The following ARB2A variants were observed in gnomAD, a reference collection of about 807,000 sequenced individuals.
ARB2A encodes the protein cotranscriptional regulator ARB2A.
At chr5:94,058,027 GA>G in the ARB2A span, among the ~76,000 whole-genome samples, 14 of 150,910 alleles carry the variant, frequency 9.3e-5, no homozygotes, top group Non-Finnish European at 1.9e-4. Context: ...ACACATAGGA[GA>G]AAAAAAAATT....
At chr5:93,941,122 A>C in the ARB2A span, among the ~76,000 whole-genome samples, 1 of 152,136 alleles carries the variant, frequency 6.6e-6, no homozygotes, top group Non-Finnish European at 1.5e-5. Flanking sequence ...TTATACTAAA[A>C]GTTTAACCCT....
At chr5:94,064,486 G>A in the ARB2A span, among the ~76,000 whole-genome samples, 3 of 152,134 alleles carry the variant, frequency 2.0e-5, no homozygotes, top group Non-Finnish European at 4.4e-5. Flanking sequence ...CCAGATACAA[G>A]AAGCACATAA....
the ARB2A span, among the ~76,000 whole-genome samples, chr5:93,746,901 A>C: frequency 2.0e-5 from 3 of 152,192 alleles, no homozygotes; most frequent in African/African-American, 7.2e-5. Context: ...GAGATAGACA[A>C]AGTTTAAAGG....
At chr5:94,072,210 G>A in the ARB2A span, among the ~76,000 whole-genome samples, 1 of 152,106 alleles carries the variant, frequency 6.6e-6, no homozygotes, top group African/African-American at 2.4e-5. Flanking sequence ...CCAGGAGACA[G>A]AGATGAAGTT....
chr5:93,849,319 A>G, the ARB2A span, among the ~76,000 whole-genome samples: 2 of 152,206 alleles, frequency 1.3e-5, no homozygotes, highest in African/African-American at 2.4e-5. Context: ...ATTATTCCTA[A>G]CATAAAAATA....
the ARB2A span, chr5:94,053,050 GATAA>G: frequency 1.4e-5 from 10 of 703,298 alleles, no homozygotes; most frequent in African/African-American, 9.4e-5. Flanking sequence ...TATGAGCACT[GATAA>G]ATAAATTTTG....
At chr5:93,640,912 T>C in the ARB2A span, among the ~76,000 whole-genome samples, 1 of 152,036 alleles carries the variant, frequency 6.6e-6, no homozygotes, top group African/African-American at 2.4e-5. Flanking sequence ...AATTTAATTA[T>C]AAGCCCATGC....
At chr5:93,753,896 T>G in the ARB2A span, among the ~76,000 whole-genome samples, 1 of 152,100 alleles carries the variant, frequency 6.6e-6, no homozygotes, top group African/African-American at 2.4e-5. Flanking sequence ...AAAATGACAC[T>G]TTAAGGTAGA....
chr5:93,894,746 C>G, the ARB2A span, among the ~76,000 whole-genome samples: 4 of 152,196 alleles, frequency 2.6e-5, no homozygotes, highest in South Asian at 8.3e-4. Flanking sequence ...ACTTACAATA[C>G]CTACAAACTC....
chr5:93,887,493 A>G, the ARB2A span, among the ~76,000 whole-genome samples: 1 of 151,814 alleles, frequency 6.6e-6, no homozygotes, highest in Non-Finnish European at 1.5e-5. Context: ...CGGCATCTGT[A>G]TACCTTCTCC....
chr5:94,092,432 G>A, the ARB2A span, among the ~76,000 whole-genome samples: 1 of 152,068 alleles, frequency 6.6e-6, no homozygotes, highest in South Asian at 2.1e-4. Context: ...TGGATAGCAT[G>A]GTTCCTGATA....
the ARB2A span, among the ~76,000 whole-genome samples, chr5:93,943,664 A>G: frequency 1.3e-5 from 2 of 152,198 alleles, no homozygotes; most frequent in African/African-American, 4.8e-5. Flanking sequence ...ATGCTGAAAT[A>G]GAAAGATCTT....
chr5:93,729,657 C>T, the ARB2A span, among the ~76,000 whole-genome samples: 4 of 151,922 alleles, frequency 2.6e-5, no homozygotes, highest in Admixed American at 1.3e-4. Context: ...CAAACAATTG[C>T]TTATAGTTTT....
At chr5:93,928,237 C>T in the ARB2A span, among the ~76,000 whole-genome samples, 2 of 152,078 alleles carry the variant, frequency 1.3e-5, no homozygotes, top group Non-Finnish European at 2.9e-5. Context: ...TGAGAAAGAA[C>T]CGAGGCAGTT....
chr5:93,846,420 T>C, the ARB2A span, among the ~76,000 whole-genome samples: 288 of 152,020 alleles, frequency 1.9e-3, 2 homozygotes, highest in African/African-American at 6.0e-3. Context: ...GAGAATTGCT[T>C]GAGCCCAGGA....
At chr5:93,728,399 A>C in the ARB2A span, among the ~76,000 whole-genome samples, 7 of 152,072 alleles carry the variant, frequency 4.6e-5, no homozygotes, top group African/African-American at 7.2e-5. Flanking sequence ...AGAGTTTCTA[A>C]TCAGATACAT....
the ARB2A span, chr5:93,733,881 A>T: frequency 6.6e-6 from 1 of 152,240 alleles, no homozygotes; most frequent in Non-Finnish European, 1.5e-5. Flanking sequence ...ATTAATCTTG[A>T]ATAGATTTTG....
the ARB2A span, among the ~76,000 whole-genome samples, chr5:93,948,121 T>C: frequency 6.6e-6 from 1 of 152,128 alleles, no homozygotes; most frequent in Non-Finnish European, 1.5e-5. Flanking sequence ...TAGTTTACAG[T>C]CCCAACAACA....
chr5:93,964,703 T>A, the ARB2A span, among the ~76,000 whole-genome samples: 1 of 152,052 alleles, frequency 6.6e-6, no homozygotes, highest in African/African-American at 2.4e-5. Flanking sequence ...TGCTGCTGTA[T>A]GAATAACTAT....
Sources: allele counts gnomAD v4.1 joint callset (sites outside exome capture counted in the v4.1 genomes callset), GRCh38; gene constraint gnomAD v4.1.1; transcripts MANE v1.5; gene names NCBI Gene and HGNC (gene_info 2026-07-23, HGNC 2026-07-21).